Variants in PLCL2 observed in about 807,000 individuals in gnomAD.
The protein encoded by PLCL2 is phospholipase C like 2.
A neutral mutation model predicts 79.6 loss-of-function variants in PLCL2; 4 were observed. The ratio of observed to expected loss-of-function variants is 0.05; its 90% CI spans 0.02 to 0.11. PLCL2 has a LOEUF of 0.11. Among genes scored for constraint, PLCL2 ranks in the 10% least tolerant of loss-of-function variants. The pLI is 1.00. For synonymous variants in PLCL2, 484 were observed against 457.7 expected, an observed-to-expected ratio of 1.06 and a Z score of -0.73; for missense variants, 895 against 1,291.0, an observed-to-expected ratio of 0.69 and a Z score of 4.70.
chr3:16,996,387 TCCAGCCTCCAGC>T (rs2064153476), intron 1 of PLCL2, among the ~76,000 whole-genome samples: 1 of 152,068 alleles, frequency 6.6e-6, no homozygotes, highest in South Asian at 2.1e-4. Flanking sequence ...CCTCTTCCCT[TCCAGCCTCCAGC>T]TGGACACCTG....
chr3:17,034,442 A>C (rs2064620717), intron 3 of PLCL2, among the ~76,000 whole-genome samples: 1 of 152,238 alleles, frequency 6.6e-6, no homozygotes, highest in Non-Finnish European at 1.5e-5. Flanking sequence ...TTTGACATTC[A>C]TCCAAATGCA....
chr3:16,896,732 G>A (rs1021297962), intron 1 of PLCL2, among the ~76,000 whole-genome samples: 7 of 151,916 alleles, frequency 4.6e-5, no homozygotes, highest in South Asian at 2.1e-4. Context: ...TCAGGTGGTC[G>A]GTCAACAGAG....
intron 1 of PLCL2, among the ~76,000 whole-genome samples, chr3:16,900,761 A>G (rs1191156839): frequency 6.6e-6 from 1 of 152,202 alleles, no homozygotes; most frequent in Non-Finnish European, 1.5e-5. Flanking sequence ...GAAAAAGTTG[A>G]GGCCCATGTA....
intron 4 of PLCL2, among the ~76,000 whole-genome samples, chr3:17,066,756 G>A (rs987889792): frequency 2.6e-5 from 4 of 152,146 alleles, no homozygotes; most frequent in Non-Finnish European, 4.4e-5. Context: ...CTATGCAATT[G>A]TGTGAGAAAA....
chr3:17,040,661 G>A (rs2064710373), intron 3 of PLCL2, among the ~76,000 whole-genome samples: 1 of 152,124 alleles, frequency 6.6e-6, no homozygotes, highest in South Asian at 2.1e-4. Flanking sequence ...GAGGTGTAAT[G>A]TCTTTAATAA....
At position 16,887,392 on chromosome 3, in the gene PLCL2, A is replaced by G. The variant is rs976662858; in HGVS notation, c.327+2026A>G. Among the ~76,000 whole-genome samples the G allele has an allele frequency of 2.6e-5, 4 of 152,240 alleles. No homozygotes were observed. Among genetic ancestry groups the G allele is most frequent in the African/African-American group, 9.6e-5 (4 of 41,464 alleles). On this transcript the variant is annotated intron_variant, in intron 1 of 5. Transcript: ENST00000615277. This position sits in a 1 kb window ranked among gnomAD's most constrained non-coding sequence, Gnocchi z 4.1. ...TTTTCTCTGAGTTCTGTTAATTTAT[A>G]AAACAATTGGTTTTGGATTTACCAG...
chr3:17,055,508 C>G (rs538487732), intron 4 of PLCL2, among the ~76,000 whole-genome samples: 1 of 152,280 alleles, frequency 6.6e-6, no homozygotes, highest in African/African-American at 2.4e-5. Flanking sequence ...TCCCTGTAAC[C>G]TTCACCCTAA....
At chr3:16,986,643 T>G (rs1398403243) in intron 1 of PLCL2, among the ~76,000 whole-genome samples, 5 of 152,106 alleles carry the variant, frequency 3.3e-5, no homozygotes, top group African/African-American at 1.2e-4. Context: ...CCTCAAGTGA[T>G]CTGCCCACCT....
chr3:17,033,184 A>G (rs1244894276), intron 3 of PLCL2, among the ~76,000 whole-genome samples: 1 of 152,194 alleles, frequency 6.6e-6, no homozygotes, highest in Non-Finnish European at 1.5e-5. Context: ...GTTAGAGTAT[A>G]TTGGAAAAAG....
intron 3 of PLCL2, among the ~76,000 whole-genome samples, chr3:17,039,192 G>T (rs761657034): frequency 2.0e-5 from 3 of 152,250 alleles, no homozygotes; most frequent in African/African-American, 7.2e-5. Context: ...GATCCAGACA[G>T]AAAGTGGCCC....
At chr3:17,025,461 T>C (rs1434842032) in intron 3 of PLCL2, among the ~76,000 whole-genome samples, 1 of 152,188 alleles carries the variant, frequency 6.6e-6, no homozygotes, top group Admixed American at 6.5e-5. Flanking sequence ...CTGCTCTATA[T>C]TTGTGGACAT....
Position 17,009,974 on chromosome 3 carries a change from G to A in PLCL2, c.628G>A (p.Asp210Asn). Residue 210 changes from aspartate to asparagine, a missense_variant, in exon 2 of 6, where the codon GAC becomes AAC. Coordinates refer to ENST00000615277, the MANE Select transcript of PLCL2 (RefSeq NM_001144382.2). The surrounding 1 kb of genome is among the most constrained non-coding windows in gnomAD (Gnocchi z 4.0). ...CATATTCCGCAGCAATGGCATTTCT[G>A]ACCAGATATCTGAAGATTGTGCGTT... Reference protein sequence around the residue: ...TDIFRSNGISDQISEDCAFSV... With the variant: ...TDIFRSNGISNQISEDCAFSV... The A allele has an allele frequency of 6.2e-7, 1 of 1,614,096 alleles. No individual in the cohort carries two copies. Among genetic ancestry groups the A allele is most frequent in the African/African-American group, 1.3e-5 (1 of 75,056 alleles).
At chr3:17,061,483 A>G (rs2064953292) in intron 4 of PLCL2, among the ~76,000 whole-genome samples, 2 of 152,172 alleles carry the variant, frequency 1.3e-5, no homozygotes, top group African/African-American at 4.8e-5. Context: ...ATTAATTTTT[A>G]TAAAACCTGA....
intron 1 of PLCL2, among the ~76,000 whole-genome samples, chr3:16,950,674 T>C (rs944130207): frequency 6.6e-6 from 1 of 152,144 alleles, no homozygotes; most frequent in African/African-American, 2.4e-5. Flanking sequence ...TATTGGCTTC[T>C]CGTAGATTCT....
chr3:17,001,875 T>G (rs2064214758), intron 1 of PLCL2, among the ~76,000 whole-genome samples: 2 of 152,146 alleles, frequency 1.3e-5, no homozygotes, highest in African/African-American at 4.8e-5. Context: ...TAGGATTTTT[T>G]TTTTTACTTC....
At chr3:16,990,457 G>A (rs1310213074) in intron 1 of PLCL2, among the ~76,000 whole-genome samples, 2 of 152,222 alleles carry the variant, frequency 1.3e-5, no homozygotes, top group Non-Finnish European at 1.5e-5. Context: ...TTCCTTTTAT[G>A]AGAGACCAAA....
Position 17,064,975 on chromosome 3 carries a change from A to G in PLCL2, c.3095-2981A>G, listed in dbSNP as rs190073760. On this transcript the variant is annotated intron_variant, in intron 4 of 5. Coordinates refer to ENST00000615277, the MANE Select transcript of PLCL2 (RefSeq NM_001144382.2). Reference sequence around the variant, plus strand: ...CATGTTTAAAAGAAACAGATGTGTTATGCAGCAAATCAAATAATTAAATAA... The same window carrying G: ...CATGTTTAAAAGAAACAGATGTGTTGTGCAGCAAATCAAATAATTAAATAA... 1.5e-3 allele frequency among the ~76,000 whole-genome samples: 219 copies of G among 151,018 alleles called. 1 individual carries two copies. The highest frequency in any genetic ancestry group is 4.1e-3 in the Admixed American group (63 of 15,196).
At chr3:17,053,029 C>T (rs1000399372) in intron 4 of PLCL2, among the ~76,000 whole-genome samples, 7 of 152,102 alleles carry the variant, frequency 4.6e-5, no homozygotes, top group African/African-American at 1.7e-4. Context: ...CCCTAACACC[C>T]CTGTTGTTGA....
chr3:16,982,077 A>G (rs2064004532), intron 1 of PLCL2, among the ~76,000 whole-genome samples: 1 of 152,222 alleles, frequency 6.6e-6, no homozygotes, highest in Non-Finnish European at 1.5e-5. Flanking sequence ...GGTGCAAAGG[A>G]GGAATATCTG....
Sources: gnomAD v4.1 joint callset for allele counts (sites outside exome capture counted in the v4.1 genomes callset) on GRCh38, gnomAD v4.1.1 for gene constraint, Gnocchi (gnomAD v3.1) non-coding constraint, MANE v1.5 for transcripts, NCBI Gene and HGNC (gene_info 2026-07-23, HGNC 2026-07-21) for gene names.